Variants in INPP4A observed in about 807,000 individuals in gnomAD.
INPP4A encodes the protein inositol polyphosphate-4-phosphatase, type I, 107kD.
Under a neutral mutation model 119.8 loss-of-function variants are expected in INPP4A, and 33 were observed. That is an observed-to-expected ratio of 0.28 (90% CI 0.21 to 0.37). The LOEUF is 0.37. INPP4A is among the 10% of genes least tolerant of loss of function. The probability of loss-of-function intolerance (pLI) is 1.00; values close to 1 mark genes in which losing one functional copy is unlikely to be tolerated. For synonymous variants in INPP4A, 496 were observed against 500.7 expected (o/e 0.99, Z 0.12); for missense variants, 956 against 1,289.9 (o/e 0.74, Z 3.97).
chr2:98,537,808 G>T (rs1246198831), intron 7 of INPP4A, 55 bp from the exon 8 acceptor site: 1 of 1,346,864 alleles, frequency 7.4e-7, no homozygotes, highest in Non-Finnish European at 1.0e-6. Context: ...TTGTATTTCA[G>T]CAGAAAAGAA....
chr2:98,564,860 T>G, intron 19 of INPP4A, 97 bp downstream of exon 19: 1 of 1,379,744 alleles, frequency 7.2e-7, no homozygotes, highest in East Asian at 2.5e-5. Flanking sequence ...TAATGCGTGC[T>G]TATTGAAATA....
At chr2:98,472,029 A>G (rs1007857214) in intron 1 of INPP4A, among the ~76,000 whole-genome samples, 1 of 152,226 alleles carries the variant, frequency 6.6e-6, no homozygotes, top group Admixed American at 6.5e-5. Context: ...AGGAGGGTGT[A>G]GGAATCAAGA....
intron 1 of INPP4A, among the ~76,000 whole-genome samples, chr2:98,480,839 C>T (rs537821713): frequency 2.2e-4 from 34 of 152,344 alleles, no homozygotes; most frequent in African/African-American, 7.5e-4. Context: ...CGCGTGTGTC[C>T]GTCTCCGCAG....
At chr2:98,505,187 C>T (rs1224051582) in intron 1 of INPP4A, among the ~76,000 whole-genome samples, 1 of 152,230 alleles carries the variant, frequency 6.6e-6, no homozygotes, top group African/African-American at 2.4e-5. Context: ...CAAAGCTTCC[C>T]ATTTAGAAAA....
In INPP4A at chr2:98,555,698, C is replaced by T. The variant is rs571358585; in HGVS notation, c.1712C>T (p.Pro571Leu). 30 of 1,613,306 alleles carry T rather than the reference C, an allele frequency of 1.9e-5. No homozygotes were observed. The highest frequency in any genetic ancestry group is 6.6e-5 in the South Asian group (6 of 90,970). Residue 571 changes from proline (P) to leucine (L), a missense_variant, in exon 16 of 25, where the codon CCG (proline) becomes CTG (leucine). Pro to Leu is a moderately conservative substitution (Grantham distance 98). Coordinates refer to ENST00000409851, the MANE Select transcript of INPP4A (RefSeq NM_001134225.2). The part of the protein sequence containing the change: ...AGSCTSKKGN[P>L]DSHAYWIRPE... ...AGCTGCACCAGCAAGAAAGGTAACC[C>T]GGACAGCCACGCCTACTGGATCAGA...
At chr2:98,464,059 G>C (rs1242580085) in intron 1 of INPP4A, among the ~76,000 whole-genome samples, 1 of 152,216 alleles carries the variant, frequency 6.6e-6, no homozygotes, top group Non-Finnish European at 1.5e-5. Flanking sequence ...AAGTGAATAG[G>C]CTTCTTCTTT....
chr2:98,520,103 C>T lies in INPP4A; in HGVS notation c.55C>T (p.Arg19Trp), dbSNP rs773945053. The T allele has an allele frequency of 5.7e-6, 9 of 1,576,662 alleles. No homozygotes were observed. Among genetic ancestry groups the T allele is most frequent in the East Asian group, 2.3e-5 (1 of 42,936 alleles). ...RHGARARAMQ[R>W]ASTIDVAADM... ...TGGTGCCAGGGCCCGTGCAATGCAG[C>T]GGGCTTCCACCATCGACGTGGCGGC... Residue 19 changes from arginine to tryptophan, a missense_variant, in exon 3 of 25, where the codon CGG (arginine) becomes TGG (tryptophan). Arg to Trp is a moderately radical substitution (Grantham distance 101). Around this residue, in one of 2 missense-constraint regions of INPP4A, gnomAD observed 652 missense variants for 797.9 expected, o/e 0.82. Coordinates refer to ENST00000409851, the MANE Select transcript of INPP4A (RefSeq NM_001134225.2).
intron 1 of INPP4A, among the ~76,000 whole-genome samples, chr2:98,486,278 T>A (rs1345787985): frequency 6.6e-6 from 1 of 152,220 alleles, no homozygotes; most frequent in Non-Finnish European, 1.5e-5. Context: ...CTGGTGATGC[T>A]GTGTGAAGCA....
chr2:98,498,354 T>C (rs1682455391), intron 1 of INPP4A, among the ~76,000 whole-genome samples: 1 of 152,114 alleles, frequency 6.6e-6, no homozygotes, highest in Non-Finnish European at 1.5e-5. Flanking sequence ...TCTCTTGCTT[T>C]CTGCGATGTA....
chr2:98,471,875 G>A (rs76939825), intron 1 of INPP4A, among the ~76,000 whole-genome samples: 2,354 of 152,286 alleles, frequency 0.015, 68 homozygotes, highest in African/African-American at 0.054. Flanking sequence ...TGCCAGGGGT[G>A]TGTGGTCTGG....
chr2:98,490,545 G>T (rs556981642), intron 1 of INPP4A, among the ~76,000 whole-genome samples: 2 of 152,184 alleles, frequency 1.3e-5, no homozygotes, highest in Non-Finnish European at 2.9e-5. Context: ...GGGGTTTCAG[G>T]TGAGGGAGTT....
At chr2:98,509,993 C>G (rs750217697) in intron 1 of INPP4A, among the ~76,000 whole-genome samples, 1 of 152,284 alleles carries the variant, frequency 6.6e-6, no homozygotes, top group East Asian at 1.9e-4. Context: ...GTGGCTGATG[C>G]AAAGGCCACA....
At chr2:98,453,981 C>T (rs1175499715) in intron 1 of INPP4A, among the ~76,000 whole-genome samples, 3 of 152,150 alleles carry the variant, frequency 2.0e-5, no homozygotes, top group African/African-American at 7.2e-5. Context: ...GTGGTGCACA[C>T]CTGTAATCCC....
intron 1 of INPP4A, among the ~76,000 whole-genome samples, chr2:98,467,334 G>A (rs1457785264): frequency 2.0e-5 from 3 of 152,212 alleles, no homozygotes; most frequent in Admixed American, 6.5e-5. Flanking sequence ...GTGGAGTTTG[G>A]AGGGGACAAA....
At chr2:98,560,014 A>G (rs1325898312) in intron 17 of INPP4A, among the ~76,000 whole-genome samples, 1 of 152,180 alleles carries the variant, frequency 6.6e-6, no homozygotes, top group Non-Finnish European at 1.5e-5. Context: ...AACCTTGCCC[A>G]CTTGTTCATG....
At chr2:98,458,003 T>TGTGG (rs1558868124) in intron 1 of INPP4A, among the ~76,000 whole-genome samples, 130 of 149,548 alleles carry the variant, frequency 8.7e-4, no homozygotes, top group African/African-American at 2.9e-3. Flanking sequence ...TTTTTTTGTT[T>TGTGG]AAATGAGGTC....
In INPP4A at chr2:98,592,497, C is replaced by A. The variant is rs1224390192; in HGVS notation, c.*4889C>A. On this transcript the variant is annotated 3_prime_UTR_variant, in exon 25 of 25. Coordinates refer to ENST00000409851, the MANE Select transcript of INPP4A (RefSeq NM_001134225.2). Reference sequence around the variant, plus strand: ...TTTAAAAGTGCCCTCTTCTCAGAGACCCTGGTTATTTCCAAAAGTAGGAAG... The same window carrying A: ...TTTAAAAGTGCCCTCTTCTCAGAGAACCTGGTTATTTCCAAAAGTAGGAAG... The A allele has an allele frequency of 6.6e-6, 1 of 152,130 alleles. No homozygotes were observed. Among genetic ancestry groups the A allele is most frequent in the African/African-American group, 2.4e-5 (1 of 41,402 alleles). 9.4% of individuals were successfully genotyped at this position (152,130 alleles called of 1,614,324 possible).
At chr2:98,500,304 CTGTT>C (rs1682861167) in intron 1 of INPP4A, among the ~76,000 whole-genome samples, 1 of 152,066 alleles carries the variant, frequency 6.6e-6, no homozygotes, top group African/African-American at 2.4e-5. Flanking sequence ...TGGTTGGTGT[CTGTT>C]TGATGATCCG....
intron 1 of INPP4A, among the ~76,000 whole-genome samples, chr2:98,491,157 G>A (rs990134161): frequency 6.6e-6 from 1 of 152,232 alleles, no homozygotes; most frequent in Non-Finnish European, 1.5e-5. Flanking sequence ...AGGGGGCGGA[G>A]GAGGAGCTTT....
Sources: allele counts gnomAD v4.1 joint callset (sites outside exome capture counted in the v4.1 genomes callset), GRCh38; gene constraint gnomAD v4.1.1; regional missense constraint gnomAD v4.1.1; transcripts MANE v1.5; gene names NCBI Gene and HGNC (gene_info 2026-07-23, HGNC 2026-07-21).